CAST: variants seen among roughly 807,000 people sequenced by gnomAD.
The protein encoded by CAST is MIR583 host.
In CAST, 76 loss-of-function variants were observed where a neutral mutation model predicts 119.6. The observed-to-expected ratio is 0.64, with a 90% CI of 0.53 to 0.77. The LOEUF is 0.77. CAST is among the 30% of genes least tolerant of loss of function. The pLI is 0.00. For missense variants in CAST, 953 were observed against 946.5 expected, an observed-to-expected ratio of 1.01 and a Z score of -0.09; for synonymous variants, 319 against 331.6, an observed-to-expected ratio of 0.96 and a Z score of 0.41.
the CAST span, among the ~76,000 whole-genome samples, chr5:96,420,715 G>A: frequency 2.8e-5 from 4 of 145,014 alleles, no homozygotes; most frequent in African/African-American, 7.5e-5. Flanking sequence ...CAGCCACTTG[G>A]GAGTTCTGAG....
At chr5:96,650,855 G>C (rs1748085955) in intron 1 of CAST, among the ~76,000 whole-genome samples, 1 of 151,956 alleles carries the variant, frequency 6.6e-6, no homozygotes, top group Non-Finnish European at 1.5e-5. Context: ...GATGTATAGA[G>C]ATAGAGAAGG....
chr5:96,426,851 A>G, the CAST span, among the ~76,000 whole-genome samples: 3 of 152,222 alleles, frequency 2.0e-5, no homozygotes, highest in Non-Finnish European at 4.4e-5. Context: ...GGATAAAACC[A>G]TCCACTAAGA....
chr5:96,570,657 C>G (rs1050639905), intron 1 of CAST, among the ~76,000 whole-genome samples: 1 of 152,110 alleles, frequency 6.6e-6, no homozygotes, highest in Admixed American at 6.5e-5. Flanking sequence ...TGCCCTATAG[C>G]GAGTTTCTCC....
chr5:96,313,391 GT>G, the CAST span, among the ~76,000 whole-genome samples: 2 of 151,980 alleles, frequency 1.3e-5, no homozygotes, highest in African/African-American at 2.4e-5. Context: ...GTGTCTCATA[GT>G]TTTTTTCTTT....
chr5:96,614,711 G>A (rs1449244578), intron 1 of CAST, among the ~76,000 whole-genome samples: 1 of 150,972 alleles, frequency 6.6e-6, no homozygotes, highest in Non-Finnish European at 1.5e-5. Flanking sequence ...CCCCAGGGGT[G>A]CCAGATTACC....
the CAST span, among the ~76,000 whole-genome samples, chr5:96,036,044 A>T: frequency 2.0e-5 from 3 of 151,862 alleles, no homozygotes; most frequent in Non-Finnish European, 4.4e-5. Flanking sequence ...TTGGTTTAGG[A>T]AGATAGGGAA....
the CAST span, among the ~76,000 whole-genome samples, chr5:96,347,657 C>T: frequency 3.3e-5 from 5 of 152,238 alleles, no homozygotes; most frequent in African/African-American, 1.2e-4. Context: ...TCTGGTACCT[C>T]CACCTCATTT....
At chr5:96,286,950 T>C in the CAST span, among the ~76,000 whole-genome samples, 1 of 152,170 alleles carries the variant, frequency 6.6e-6, no homozygotes, top group African/African-American at 2.4e-5. Flanking sequence ...ATCCATTTTG[T>C]GAGTCCTAGT....
the CAST span, among the ~76,000 whole-genome samples, chr5:96,285,368 A>G: frequency 2.6e-5 from 4 of 152,252 alleles, no homozygotes; most frequent in African/African-American, 9.6e-5. Context: ...TATAAACTTT[A>G]AAGAACTGTA....
the CAST span, among the ~76,000 whole-genome samples, chr5:95,996,142 G>T: frequency 6.6e-6 from 1 of 152,118 alleles, no homozygotes; most frequent in Non-Finnish European, 1.5e-5. Context: ...CCAGTCTGAC[G>T]CACTGAGGAA....
chr5:96,461,581 T>C, the CAST span, among the ~76,000 whole-genome samples: 45,015 of 151,918 alleles, frequency 0.3, 6,859 homozygotes, highest in East Asian at 0.46. Context: ...GATAGAATGA[T>C]TCTGAATGAA....
the CAST span, among the ~76,000 whole-genome samples, chr5:96,137,300 A>G: frequency 6.6e-6 from 1 of 152,278 alleles, no homozygotes; most frequent in Non-Finnish European, 1.5e-5. Context: ...TCACTTAGCC[A>G]TGTGTATATA....
At chr5:96,588,381 T>C (rs1347507650) in intron 1 of CAST, among the ~76,000 whole-genome samples, 1 of 151,954 alleles carries the variant, frequency 6.6e-6, no homozygotes, top group East Asian at 1.9e-4. Flanking sequence ...TTTGTATTTT[T>C]AGTAGAGATG....
In CAST at chr5:96,772,997, T is replaced by C. The variant is rs17086689; in HGVS notation, c.*381T>C. ...ACAGTGCCTGTAAATCTCATTTGTATTTTCAGTTTGCCCTTAATTTTTTTT... is the reference window on the plus strand; with the variant it reads ...ACAGTGCCTGTAAATCTCATTTGTACTTTCAGTTTGCCCTTAATTTTTTTT... On this transcript the variant is annotated 3_prime_UTR_variant, in exon 32 of 32. Transcript: ENST00000675179. The C allele has an allele frequency of 0.08, 12,377 of 153,978 alleles. 661 individuals carry two copies. The highest frequency in any genetic ancestry group is 0.12 in the Middle Eastern group (35 of 294). The allele number at this position is 153,978 out of a possible 1,614,324, so 9.5% of individuals were successfully genotyped here. A position where few individuals can be genotyped will look rare whatever the true frequency, so the allele number is the denominator to read the frequency against.
chr5:96,309,572 C>G, the CAST span, among the ~76,000 whole-genome samples: 23 of 152,174 alleles, frequency 1.5e-4, no homozygotes, highest in Non-Finnish European at 2.5e-4. Context: ...AAACCCAGGG[C>G]CCTGGTGGCA....
chr5:96,651,699 C>A, intron 1 of CAST, among the ~76,000 whole-genome samples: 1 of 152,212 alleles, frequency 6.6e-6, no homozygotes, highest in East Asian at 1.9e-4. Context: ...ACCTTGCTCA[C>A]TTCTGTCCGT....
At chr5:96,626,032 C>T (rs917384929) in intron 1 of CAST, among the ~76,000 whole-genome samples, 12 of 152,188 alleles carry the variant, frequency 7.9e-5, no homozygotes, top group South Asian at 2.1e-4. Flanking sequence ...AGGCCGTGTC[C>T]GCCTTGTCCT....
At chr5:96,000,226 T>C in the CAST span, among the ~76,000 whole-genome samples, 1 of 152,202 alleles carries the variant, frequency 6.6e-6, no homozygotes, top group Admixed American at 6.5e-5. Context: ...CCTGGTGATA[T>C]CTTTTGTAGT....
chr5:96,230,366 T>C, the CAST span, among the ~76,000 whole-genome samples: 1 of 152,250 alleles, frequency 6.6e-6, no homozygotes, highest in East Asian at 1.9e-4. Flanking sequence ...AATTTAAATT[T>C]TATCAATTTA....
Sources: gnomAD v4.1 joint callset for allele counts (sites outside exome capture counted in the v4.1 genomes callset) on GRCh38, gnomAD v4.1.1 for gene constraint, MANE v1.5 for transcripts, NCBI Gene and HGNC (gene_info 2026-07-23, HGNC 2026-07-21) for gene names.